The following NR3C2 variants were observed in gnomAD, a reference collection of about 807,000 sequenced individuals.
NR3C2 encodes the protein mineralocorticoid receptor.
In NR3C2, 15 loss-of-function variants were observed where a neutral mutation model predicts 86.4. The ratio of observed to expected loss-of-function variants is 0.17; its 90% CI spans 0.12 to 0.27. The LOEUF (loss-of-function observed/expected upper bound fraction) is 0.27. Ranked by LOEUF, NR3C2 falls within the 10% of genes least tolerant of loss-of-function variation. The pLI is 1.00. For synonymous variants in NR3C2, 458 were observed against 450.5 expected (o/e 1.02, Z -0.21); for missense variants, 960 against 1,195.6 (o/e 0.80, Z 2.91).
chr4:148,256,897 G>GCA (rs1739860224), intron 3 of NR3C2, among the ~76,000 whole-genome samples: 1 of 151,958 alleles, frequency 6.6e-6, no homozygotes, highest in South Asian at 2.1e-4. Flanking sequence ...ATTAAACAGA[G>GCA]CACACACACA....
intron 7 of NR3C2, among the ~76,000 whole-genome samples, chr4:148,118,823 G>C (rs1234535087): frequency 6.6e-6 from 1 of 152,042 alleles, no homozygotes; most frequent in Non-Finnish European, 1.5e-5. Context: ...TCCCTTCCTA[G>C]GCAGCTGCCA....
intron 2 of NR3C2, among the ~76,000 whole-genome samples, chr4:148,279,787 G>A (rs762444038): frequency 1.3e-5 from 2 of 151,924 alleles, no homozygotes; most frequent in African/African-American, 2.4e-5. Context: ...GTGCAATGGC[G>A]TGATCTTGGC....
At chr4:148,389,386 C>T (rs564368958) in intron 2 of NR3C2, among the ~76,000 whole-genome samples, 98 of 152,288 alleles carry the variant, frequency 6.4e-4, no homozygotes, top group Non-Finnish European at 1.1e-3. Context: ...CAGGATTCAC[C>T]AGGTAAGAGT....
At chr4:148,376,428 G>A (rs1226329179) in intron 2 of NR3C2, among the ~76,000 whole-genome samples, 1 of 152,146 alleles carries the variant, frequency 6.6e-6, no homozygotes, top group Non-Finnish European at 1.5e-5. Context: ...TTCAAATATT[G>A]TAGAAAGAAA....
chr4:148,252,151 T>C (rs1739609701), intron 3 of NR3C2, among the ~76,000 whole-genome samples: 1 of 152,178 alleles, frequency 6.6e-6, no homozygotes, highest in Non-Finnish European at 1.5e-5. Flanking sequence ...GATAGAATTA[T>C]CAAGAGGATT....
chr4:148,172,538 G>A (rs529106455), intron 4 of NR3C2, among the ~76,000 whole-genome samples: 1 of 152,190 alleles, frequency 6.6e-6, no homozygotes, highest in Admixed American at 6.5e-5. Flanking sequence ...AAATACCATC[G>A]TTTGGACTCT....
At chr4:148,344,653 T>C (rs1010422114) in intron 2 of NR3C2, among the ~76,000 whole-genome samples, 1 of 152,194 alleles carries the variant, frequency 6.6e-6, no homozygotes, top group African/African-American at 2.4e-5. Context: ...ACTGCTTCTC[T>C]ATTATTAGTG....
At chr4:148,408,946 A>C (rs2126560064) in intron 2 of NR3C2, among the ~76,000 whole-genome samples, 1 of 152,294 alleles carries the variant, frequency 6.6e-6, no homozygotes, top group East Asian at 1.9e-4. Flanking sequence ...TAAAACATCT[A>C]CTAGTCCTAA....
chr4:148,348,538 T>C (rs919365667), intron 2 of NR3C2, among the ~76,000 whole-genome samples: 2 of 152,146 alleles, frequency 1.3e-5, no homozygotes, highest in African/African-American at 4.8e-5. Flanking sequence ...CAAAGAGAAA[T>C]CTTATTCTTC....
intron 3 of NR3C2, among the ~76,000 whole-genome samples, chr4:148,212,990 C>G (rs1334212762): frequency 6.6e-6 from 1 of 151,946 alleles, no homozygotes; most frequent in Non-Finnish European, 1.5e-5. Context: ...TAAGAGATCA[C>G]AGAGGAAGAA....
At chr4:148,145,381 A>G (rs1485691226) in intron 6 of NR3C2, among the ~76,000 whole-genome samples, 1 of 152,200 alleles carries the variant, frequency 6.6e-6, no homozygotes, top group Non-Finnish European at 1.5e-5. Context: ...ATCTCCCGGA[A>G]AGCATGCCAA....
chr4:148,222,924 A>G (rs1737935046), intron 3 of NR3C2, among the ~76,000 whole-genome samples: 1 of 152,206 alleles, frequency 6.6e-6, no homozygotes, highest in South Asian at 2.1e-4. Flanking sequence ...AGTAAGACCT[A>G]TATACATAAA....
chr4:148,190,304 T>C (rs1011382892), intron 4 of NR3C2, among the ~76,000 whole-genome samples: 7 of 152,236 alleles, frequency 4.6e-5, no homozygotes, highest in Non-Finnish European at 1.0e-4. Flanking sequence ...CCAATGCTCA[T>C]TCAGGAGCAG....
intron 2 of NR3C2, among the ~76,000 whole-genome samples, chr4:148,347,283 A>T (rs1220837225): frequency 1.3e-5 from 2 of 151,878 alleles, no homozygotes; most frequent in Admixed American, 6.6e-5. Context: ...AGCGTTTTTC[A>T]CCTTTCCTTA....
chr4:148,291,056 T>C (rs1273435206), intron 2 of NR3C2, among the ~76,000 whole-genome samples: 2 of 152,168 alleles, frequency 1.3e-5, no homozygotes, highest in East Asian at 1.9e-4. Context: ...TGAATTAGTA[T>C]TCTTATTGCA....
At chr4:148,410,958 G>T (rs114873398) in intron 2 of NR3C2, among the ~76,000 whole-genome samples, 1 of 152,234 alleles carries the variant, frequency 6.6e-6, no homozygotes, top group South Asian at 2.1e-4. Flanking sequence ...TAAACCTTAC[G>T]AGGAAACCTT....
chr4:148,428,415 T>A (rs938061090), intron 2 of NR3C2, among the ~76,000 whole-genome samples: 4 of 152,170 alleles, frequency 2.6e-5, no homozygotes, highest in Non-Finnish European at 5.9e-5. Context: ...TAGAAAAGAC[T>A]GAGGAACTAT....
chr4:148,369,003 C>G (rs1262265055), intron 2 of NR3C2, among the ~76,000 whole-genome samples: 1 of 152,178 alleles, frequency 6.6e-6, no homozygotes, highest in Non-Finnish European at 1.5e-5. Context: ...TACCCACTTG[C>G]TGCCATTAAC....
chr4:148,146,861 T>A (rs1350315790), intron 6 of NR3C2: 1 of 152,176 alleles, frequency 6.6e-6, no homozygotes, highest in African/African-American at 2.4e-5. Flanking sequence ...AGCAAGTCTT[T>A]AATATATGTT....
Sources: gnomAD v4.1 joint callset for allele counts (sites outside exome capture counted in the v4.1 genomes callset) on GRCh38, gnomAD v4.1.1 for gene constraint, MANE v1.5 for transcripts, NCBI Gene and HGNC (gene_info 2026-07-23, HGNC 2026-07-21) for gene names.